CTBS: variants seen among roughly 807,000 people sequenced by gnomAD.
CTBS encodes chitobiase.
In CTBS, 35 loss-of-function variants were observed where a neutral mutation model predicts 44.3. That is an observed-to-expected ratio of 0.79 (90% CI 0.60 to 1.05). The LOEUF (loss-of-function observed/expected upper bound fraction) is 1.05. Among genes scored for constraint, CTBS ranks in the 50% least tolerant of loss-of-function variants. CTBS has a pLI of 0.00. For missense variants in CTBS, 458 were observed against 475.3 expected, an observed-to-expected ratio of 0.96 and a Z score of 0.34; for synonymous variants, 143 against 168.0, an observed-to-expected ratio of 0.85 and a Z score of 1.15.
rs193181499 is a variant in CTBS at position 84,554,901 on chromosome 1, G to A, written c.*98C>T. The A allele has an allele frequency of 2.3e-5, 20 of 887,480 alleles. No individual in the cohort carries two copies. Among genetic ancestry groups the A allele is most frequent in the East Asian group, 5.1e-5 (2 of 39,584 alleles). The allele number at this position is 887,480 out of a possible 1,614,324, so 55.0% of individuals were successfully genotyped here. A position where few individuals can be genotyped will look rare whatever the true frequency, so the allele number is the denominator to read the frequency against. Reference sequence around the variant, plus strand: ...TATTTATTCTTTTTTTTTAGTATACGGATAACAAAAGTATATAGCAACATA... The same window carrying A: ...TATTTATTCTTTTTTTTTAGTATACAGATAACAAAAGTATATAGCAACATA... On this transcript the variant is annotated 3_prime_UTR_variant, in exon 7 of 7. Transcript: ENST00000370630.
chr1:84,573,936 A>G, intron 1 of CTBS: 1 of 1,296,476 alleles, frequency 7.7e-7, no homozygotes, highest in Admixed American at 3.8e-5. Context: ...TTTTACACCC[A>G]GAGTGCTTCC....
rs765293431 is a variant in CTBS at position 84,550,402 on chromosome 1, T to C, written c.*4597A>G. ...TAAAAATAAAAATGTTTATATGTTA[T>C]ACTAAATAAATATCTATCTATCCAC... On this transcript the variant is annotated 3_prime_UTR_variant, in exon 7 of 7. Coordinates refer to ENST00000370630, the MANE Select transcript of CTBS (RefSeq NM_004388.3). The C allele has an allele frequency of 1.7e-6, 2 of 1,182,888 alleles. No homozygotes were observed. The highest frequency in any genetic ancestry group is 2.3e-6 in the Non-Finnish European group (2 of 861,310). 73.3% of individuals were successfully genotyped at this position (1,182,888 alleles called of 1,614,324 possible).
intron 1 of CTBS, among the ~76,000 whole-genome samples, chr1:84,573,257 T>C (rs1008648790): frequency 2.0e-5 from 3 of 152,206 alleles, no homozygotes; most frequent in Admixed American, 2.0e-4. Context: ...GTAATTATTT[T>C]CCTTTGCTTC....
At chr1:84,555,249 G>T in intron 6 of CTBS, 50 bp from the exon 7 acceptor site, 1 of 1,407,070 alleles carries the variant, frequency 7.1e-7, no homozygotes. Flanking sequence ...GTACAATTCA[G>T]CACCACAGGA....
Position 84,553,239 on chromosome 1 carries a change from C to T in CTBS, c.*1760G>A, listed in dbSNP as rs1012185126. ...TATAAAAAGCACAAGGTTTCTCTTT[C>T]TCCACTTTCCATGTGGGTATTACAA... On this transcript the variant is annotated 3_prime_UTR_variant, in exon 7 of 7. Coordinates refer to ENST00000370630, the MANE Select transcript of CTBS (RefSeq NM_004388.3). 8.2e-6 allele frequency: 5 copies of T among 607,014 alleles called. No individual in the cohort carries two copies. The African/African-American group carries it at 9.6e-5, about 12-fold the overall frequency. The allele number at this position is 607,014 out of a possible 1,614,324, so 37.6% of individuals were successfully genotyped here. A position where few individuals can be genotyped will look rare whatever the true frequency, so the allele number is the denominator to read the frequency against.
At chr1:84,563,690 A>G in intron 5 of CTBS, 45 bp downstream of exon 5, 1 of 1,178,036 alleles carries the variant, frequency 8.5e-7, no homozygotes, top group East Asian at 2.6e-5. Flanking sequence ...GACTCTAAAA[A>G]ATATAATAGA....
At chr1:84,573,871 C>T in intron 1 of CTBS, 1 of 1,105,592 alleles carries the variant, frequency 9.0e-7, no homozygotes, top group South Asian at 3.0e-5. Context: ...GAGATTCTTT[C>T]AAACGAAATC....
Position 84,570,116 on chromosome 1 carries a change from T to A in CTBS, c.340A>T (p.Ile114Phe). Residue 114 changes from isoleucine (I) to phenylalanine (F), a missense_variant, in exon 3 of 7, where the codon ATT becomes TTT. Ile to Phe is a conservative substitution (Grantham distance 21). Transcript: ENST00000370630. ...LKGDVSLKDI[I>F]DPAFRASWIA... is the part of the protein sequence containing the mutation. ...CAGGATGCTCTGAAAGCAGGATCAATGATATCCTTTAAGGATACATCTCCT... is the reference window on the plus strand; with the variant it reads ...CAGGATGCTCTGAAAGCAGGATCAAAGATATCCTTTAAGGATACATCTCCT... The A allele has an allele frequency of 6.2e-7, 1 of 1,613,124 alleles. No individual in the cohort carries two copies.
chr1:84,565,153 C>T (rs1194689430), intron 4 of CTBS, among the ~76,000 whole-genome samples: 1 of 150,500 alleles, frequency 6.6e-6, no homozygotes, highest in East Asian at 1.9e-4. Flanking sequence ...GAGCCCTGAT[C>T]GTGCCACTGC....
intron 6 of CTBS, among the ~76,000 whole-genome samples, chr1:84,558,036 T>G (rs1474716842): frequency 6.6e-6 from 1 of 152,088 alleles, no homozygotes; most frequent in Non-Finnish European, 1.5e-5. Flanking sequence ...AGAATAGATA[T>G]TTCAAGACAC....
chr1:84,559,603 C>T (rs755120151), intron 6 of CTBS, among the ~76,000 whole-genome samples: 6 of 151,856 alleles, frequency 4.0e-5, no homozygotes, highest in Admixed American at 6.6e-5. Context: ...GCCTGGGTGA[C>T]GGAGCGATAC....
At chr1:84,563,141 C>T (rs1684625835) in intron 6 of CTBS, 116 bp downstream of exon 6, 1 of 621,486 alleles carries the variant, frequency 1.6e-6, no homozygotes. Flanking sequence ...AAATAGCAGT[C>T]TGCATGTTAT....
chr1:84,563,279 C>A lies in CTBS; in HGVS notation c.935G>T (p.Arg312Leu). ...TACTTTATAGTTATAATAAGGAGCC[C>A]GCTGATCTTTATCCCATAGGTTTCC... ...ISGNLWDKDQ[R>L]APYYNYKDPA... Residue 312 changes from arginine to leucine, a missense_variant, in exon 6 of 7, where the codon CGG becomes CTG. Transcript: ENST00000370630. 2 of 1,563,490 alleles carry A rather than the reference C, an allele frequency of 1.3e-6. No homozygotes were observed. The highest frequency in any genetic ancestry group is 1.4e-5 in the African/African-American group (1 of 72,020).
At chr1:84,560,669 A>G (rs926421686) in intron 6 of CTBS, among the ~76,000 whole-genome samples, 5 of 152,228 alleles carry the variant, frequency 3.3e-5, no homozygotes, top group African/African-American at 9.6e-5. Context: ...TTTAAAGCTC[A>G]AAGTACAGGC....
chr1:84,570,090 CCAGGATGCTCTGAAAG>C lies in CTBS; in HGVS notation c.350_365del (p.Ala117GlyfsTer2), dbSNP rs760438514. 7.4e-6 allele frequency: 12 copies of C among 1,613,440 alleles called. No homozygotes were observed. The highest frequency in any genetic ancestry group is 1.6e-4 in the Middle Eastern group (1 of 6,068). ...TGGCCAAATTAAGTTTTTGAGCTAT[CCAGGATGCTCTGAAAG>C]CAGGATCAATGATATCCTTTAAGGA... On this transcript the variant is annotated frameshift_variant, in exon 3 of 7. Transcript: ENST00000370630. LOFTEE classifies it high-confidence loss of function.
intron 6 of CTBS, among the ~76,000 whole-genome samples, chr1:84,559,628 A>G (rs1287924145): frequency 6.6e-6 from 1 of 152,046 alleles, no homozygotes; most frequent in East Asian, 1.9e-4. Context: ...TCTCAGAAAA[A>G]AAAGACTTAA....
chr1:84,573,983 T>G (rs1647391502), intron 1 of CTBS: 1 of 1,364,422 alleles, frequency 7.3e-7, no homozygotes, highest in Non-Finnish European at 9.4e-7. Context: ...GAGCTTGCCT[T>G]AGGAGGCAGA....
chr1:84,555,475 G>A (rs1354815361), intron 6 of CTBS, among the ~76,000 whole-genome samples: 12 of 152,210 alleles, frequency 7.9e-5, no homozygotes, highest in East Asian at 3.9e-4. Flanking sequence ...AGGGTATTTC[G>A]TTCATTTTCA....
intron 6 of CTBS, among the ~76,000 whole-genome samples, chr1:84,562,591 T>G (rs17111498): frequency 0.069 from 10,495 of 152,224 alleles, 542 homozygotes; most frequent in African/African-American, 0.13. Context: ...ACTTAGATTT[T>G]TGAGCTGTGG....
Sources: gnomAD v4.1 joint callset for allele counts (sites outside exome capture counted in the v4.1 genomes callset) on GRCh38, gnomAD v4.1.1 for gene constraint, MANE v1.5 for transcripts, NCBI Gene and HGNC (gene_info 2026-07-23, HGNC 2026-07-21) for gene names.